Variants in UGT1A8 observed in about 807,000 individuals in gnomAD.
UGT1A8 encodes the protein UDP-glucuronosyltransferase 1A8.
In UGT1A8, 39 loss-of-function variants were observed where a neutral mutation model predicts 45.3. The ratio of observed to expected loss-of-function variants is 0.86; its 90% CI spans 0.67 to 1.12. The LOEUF (loss-of-function observed/expected upper bound fraction) is 1.12, where lower values mean the gene tolerates loss of function less well. Ranked by LOEUF, UGT1A8 falls within the 50% of genes most tolerant of loss-of-function variation. UGT1A8 has a pLI of 0.00. For synonymous variants in UGT1A8, 275 were observed against 249.2 expected (o/e 1.10, Z -0.97); for missense variants, 719 against 664.9 (o/e 1.08, Z -0.90).
At chr2:233,688,499 C>A (rs377365322) in intron 1 of UGT1A8, among the ~76,000 whole-genome samples, 3 of 152,154 alleles carry the variant, frequency 2.0e-5, no homozygotes, top group African/African-American at 7.2e-5. Context: ...TTGGGAATGT[C>A]ACATGCAGTG....
chr2:233,654,119 A>G (rs1326372393), intron 1 of UGT1A8, among the ~76,000 whole-genome samples: 1 of 152,246 alleles, frequency 6.6e-6, no homozygotes, highest in Non-Finnish European at 1.5e-5. Flanking sequence ...AAGATGAAAT[A>G]CATAGCATAG....
At position 233,729,327 on chromosome 2, in the gene UGT1A8, G is replaced by A. The variant is rs199842881; in HGVS notation, c.856-37707G>A. On this transcript the variant is annotated intron_variant, in intron 1 of 4. Coordinates refer to ENST00000373450, the MANE Select transcript of UGT1A8 (RefSeq NM_019076.5). ...TGGTCCTCACCCCAGAGGTGAATATGCACATCAAAGAAGAGAACTTTTTCA... is the reference window on the plus strand; with the variant it reads ...TGGTCCTCACCCCAGAGGTGAATATACACATCAAAGAAGAGAACTTTTTCA... 117 of 1,614,124 alleles carry A rather than the reference G, an allele frequency of 7.2e-5. No individual in the cohort carries two copies. The highest frequency in any genetic ancestry group is 9.6e-5 in the Non-Finnish European group (113 of 1,180,042).
intron 1 of UGT1A8, among the ~76,000 whole-genome samples, chr2:233,675,505 A>G (rs1403446519): frequency 1.3e-5 from 2 of 152,190 alleles, no homozygotes; most frequent in African/African-American, 4.8e-5. Context: ...ATGGTTACAG[A>G]TAAATAAGAG....
intron 1 of UGT1A8, among the ~76,000 whole-genome samples, chr2:233,684,080 T>C (rs1032271055): frequency 6.6e-6 from 1 of 152,176 alleles, no homozygotes; most frequent in Non-Finnish European, 1.5e-5. Flanking sequence ...ATTATTTTGT[T>C]AGGGATGGAG....
At chr2:233,724,280 G>GT (rs2077205183) in intron 1 of UGT1A8, among the ~76,000 whole-genome samples, 4 of 139,636 alleles carry the variant, frequency 2.9e-5, no homozygotes, top group Admixed American at 7.0e-5. Context: ...GGCTGGCCGG[G>GT]CGGGGGGCTG....
intron 1 of UGT1A8, among the ~76,000 whole-genome samples, chr2:233,715,257 C>G (rs193085198): frequency 6.6e-6 from 1 of 152,042 alleles, no homozygotes; most frequent in Admixed American, 6.5e-5. Flanking sequence ...TTAAAAAATC[C>G]CCTTACATAA....
intron 1 of UGT1A8, chr2:233,754,898 C>G: frequency 1.5e-6 from 2 of 1,351,858 alleles, no homozygotes; most frequent in Non-Finnish European, 2.0e-6. Context: ...TCCTCTGACC[C>G]CCCAAAATAT....
rs749184959 is a variant in UGT1A8, at chr2:233,618,206, G to T, written c.499G>T (p.Val167Phe). ...CAAATATTTCTCCCTCCCCTCTGTGGTCTTCGCCAGGGGAATAGCTTGCCA... is the reference window on the plus strand; with the variant it reads ...CAAATATTTCTCCCTCCCCTCTGTGTTCTTCGCCAGGGGAATAGCTTGCCA... ...VAKYFSLPSV[V>F]FARGIACHYL... is the part of the protein sequence containing the mutation. The change falls in exon 1 of 5, where the codon GTC (valine) becomes TTC (phenylalanine). Residue 167 changes from valine (V) to phenylalanine (F), a missense_variant. Coordinates refer to ENST00000373450, the MANE Select transcript of UGT1A8 (RefSeq NM_019076.5). 1 of 1,613,946 alleles carries T rather than the reference G, an allele frequency of 6.2e-7. No individual in the cohort carries two copies. The highest frequency in any genetic ancestry group is 2.2e-5 in the East Asian group (1 of 44,864).
At chr2:233,655,242 G>A (rs1317074264) in intron 1 of UGT1A8, among the ~76,000 whole-genome samples, 1 of 152,182 alleles carries the variant, frequency 6.6e-6, no homozygotes, top group African/African-American at 2.4e-5. Flanking sequence ...TCTATTATCA[G>A]CTACCTGTTT....
intron 1 of UGT1A8, among the ~76,000 whole-genome samples, chr2:233,674,071 G>C (rs1203148225): frequency 6.6e-6 from 1 of 152,124 alleles, no homozygotes; most frequent in Non-Finnish European, 1.5e-5. Flanking sequence ...AACACCTAAT[G>C]TCTAATCTCA....
intron 1 of UGT1A8, among the ~76,000 whole-genome samples, chr2:233,660,285 C>T (rs1235628610): frequency 6.6e-6 from 1 of 152,132 alleles, no homozygotes; most frequent in Non-Finnish European, 1.5e-5. Context: ...CCATAGAAAA[C>T]CATGTGTAAT....
intron 1 of UGT1A8, among the ~76,000 whole-genome samples, chr2:233,619,256 T>G (rs1362125584): frequency 6.6e-6 from 1 of 152,184 alleles, no homozygotes; most frequent in African/African-American, 2.4e-5. Context: ...TATACACCAA[T>G]ACAGACAGAT....
intron 1 of UGT1A8, among the ~76,000 whole-genome samples, chr2:233,717,603 G>T (rs1270322489): frequency 2.0e-5 from 3 of 152,300 alleles, no homozygotes; most frequent in East Asian, 3.9e-4. Context: ...ATGGAAAGTG[G>T]GCACAGCCCA....
At chr2:233,709,407 A>C (rs1575490731) in intron 1 of UGT1A8, among the ~76,000 whole-genome samples, 2 of 152,258 alleles carry the variant, frequency 1.3e-5, no homozygotes, top group South Asian at 2.1e-4. Context: ...ATGGGTGAAC[A>C]CTCAATAAGA....
Position 233,672,727 on chromosome 2 carries a change from G to A in UGT1A8, c.855+54165G>A, listed in dbSNP as rs142414435. 3.8e-5 allele frequency: 61 copies of A among 1,613,854 alleles called. No homozygotes were observed. In the African/African-American group the frequency reaches 5.9e-4, roughly 16 times the overall value. On this transcript the variant is annotated intron_variant, in intron 1 of 4. Coordinates refer to ENST00000373450, the MANE Select transcript of UGT1A8 (RefSeq NM_019076.5). ...CTTTGTTTTGGACTATCCCAAACCC[G>A]TGATGCCCAACATGATCTTCATTGG...
At chr2:233,719,227 C>G in intron 1 of UGT1A8, 1 of 1,614,176 alleles carries the variant, frequency 6.2e-7, no homozygotes, top group Non-Finnish European at 8.5e-7. Context: ...CATAATGAGG[C>G]CCTGATCAGG....
At chr2:233,637,145 G>A (rs1271248579) in intron 1 of UGT1A8, 1 of 1,613,932 alleles carries the variant, frequency 6.2e-7, no homozygotes, top group Non-Finnish European at 8.5e-7. Context: ...GAGAGAGTAT[G>A]GAACCACATC....
intron 1 of UGT1A8, among the ~76,000 whole-genome samples, chr2:233,669,766 C>G (rs1408244220): frequency 6.6e-6 from 1 of 152,192 alleles, no homozygotes; most frequent in Non-Finnish European, 1.5e-5. Flanking sequence ...TCAATGCAAC[C>G]TCCGCTTCCC....
intron 1 of UGT1A8, among the ~76,000 whole-genome samples, chr2:233,746,438 T>C (rs1187941624): frequency 1.3e-5 from 2 of 151,694 alleles, no homozygotes; most frequent in African/African-American, 4.9e-5. Context: ...TGTCTTCAGC[T>C]TAAAAAGAAA....
Sources: allele counts gnomAD v4.1 joint callset (sites outside exome capture counted in the v4.1 genomes callset), GRCh38; gene constraint gnomAD v4.1.1; transcripts MANE v1.5; gene names NCBI Gene and HGNC (gene_info 2026-07-23, HGNC 2026-07-21).